The following MORC1 variants were observed in gnomAD, a reference collection of about 807,000 sequenced individuals.
The protein encoded by MORC1 is MORC family CW-type zinc finger protein 1.
MORC1 carries 59 observed loss-of-function variants against 134.9 expected under a neutral mutation model. The ratio of observed to expected loss-of-function variants is 0.44; its 90% CI spans 0.35 to 0.54. The LOEUF is 0.54. Ranked by LOEUF, MORC1 falls within the 20% of genes least tolerant of loss-of-function variation. MORC1 has a pLI of 0.00. For missense variants in MORC1, 947 were observed against 1,134.5 expected, an observed-to-expected ratio of 0.83 and a Z score of 2.37; for synonymous variants, 395 against 391.7, an observed-to-expected ratio of 1.01 and a Z score of -0.10.
intron 8 of MORC1, among the ~76,000 whole-genome samples, chr3:109,084,594 C>T (rs781706100): frequency 6.6e-6 from 1 of 152,022 alleles, no homozygotes; most frequent in Non-Finnish European, 1.5e-5. Flanking sequence ...GCAATTTACA[C>T]ATTCAATAGA....
chr3:109,111,115 T>C (rs557471181), intron 2 of MORC1, among the ~76,000 whole-genome samples: 2 of 150,074 alleles, frequency 1.3e-5, no homozygotes, highest in Admixed American at 6.6e-5. Flanking sequence ...GGAATGTTTT[T>C]CATATTTTAG....
chr3:109,058,073 TA>T (rs1472804083), intron 12 of MORC1, among the ~76,000 whole-genome samples: 3 of 152,162 alleles, frequency 2.0e-5, no homozygotes, highest in Admixed American at 2.0e-4. Flanking sequence ...ATTAAAAGTG[TA>T]AAATAGAAAT....
At chr3:109,084,595 A>AC (rs1950583200) in intron 8 of MORC1, among the ~76,000 whole-genome samples, 1 of 152,194 alleles carries the variant, frequency 6.6e-6, no homozygotes, top group Non-Finnish European at 1.5e-5. Flanking sequence ...CAATTTACAC[A>AC]TTCAATAGAA....
intron 9 of MORC1, among the ~76,000 whole-genome samples, chr3:109,064,780 G>C (rs907246053): frequency 2.0e-5 from 3 of 152,080 alleles, no homozygotes; most frequent in African/African-American, 7.2e-5. Context: ...TAATTAGGCA[G>C]GATCAATAAT....
At chr3:108,983,259 A>G (rs1053642407) in intron 23 of MORC1, among the ~76,000 whole-genome samples, 1 of 152,212 alleles carries the variant, frequency 6.6e-6, no homozygotes, top group Non-Finnish European at 1.5e-5. Context: ...ACTGAGTGCC[A>G]AGTATGAGTC....
Position 108,965,527 on chromosome 3 carries a change from A to C in MORC1, c.2605-1919T>G, listed in dbSNP as rs182644650. On this transcript the variant is annotated intron_variant, in intron 26 of 27. Transcript: ENST00000232603. ...AAGGCCTGAGTGGATATGACTATAA[A>C]AAGGTAGCATAAGGGAGATAATTAT... Among the ~76,000 whole-genome samples, 526 of 152,320 alleles carry C rather than the reference A, an allele frequency of 3.5e-3. 3 individuals carry two copies. Among genetic ancestry groups the C allele is most frequent in the Admixed American group, 5.0e-3 (76 of 15,298 alleles).
At chr3:109,117,959 G>A (rs1271735578) in intron 1 of MORC1, 36 bp downstream of exon 1, 1 of 1,527,520 alleles carries the variant, frequency 6.5e-7, no homozygotes, top group Non-Finnish European at 8.9e-7. Context: ...CGGGCGCAGA[G>A]ACCCTCCCCG....
intron 8 of MORC1, among the ~76,000 whole-genome samples, chr3:109,086,660 T>C (rs1342240198): frequency 6.6e-6 from 1 of 152,064 alleles, no homozygotes; most frequent in Non-Finnish European, 1.5e-5. Flanking sequence ...GTATAAAGAC[T>C]GACATTGTTC....
chr3:109,039,259 C>T (rs1324358993), intron 14 of MORC1, among the ~76,000 whole-genome samples: 1 of 152,116 alleles, frequency 6.6e-6, no homozygotes. Context: ...TTTACTATAT[C>T]AAAGCAGAGG....
chr3:109,117,924 G>C (rs1951305853), intron 1 of MORC1, 71 bp downstream of exon 1: 12 of 1,273,760 alleles, frequency 9.4e-6, no homozygotes, highest in Non-Finnish European at 1.3e-5. Context: ...ATTCCTCAGG[G>C]GACGGGCAAA....
chr3:109,023,762 C>A (rs768986960), intron 17 of MORC1, among the ~76,000 whole-genome samples: 1 of 152,068 alleles, frequency 6.6e-6, no homozygotes, highest in Non-Finnish European at 1.5e-5. Context: ...TAAATTATTG[C>A]CTAGGTTTAC....
Position 108,979,514 on chromosome 3 carries a change from C to T in MORC1, c.2477+1G>A, listed in dbSNP as rs1947652617. 6.2e-7 allele frequency: 1 copy of T among 1,613,568 alleles called. No individual in the cohort carries two copies. Among genetic ancestry groups the T allele is most frequent in the African/African-American group, 1.3e-5 (1 of 74,890 alleles). ...GGAAATATGTGAGTAAATATCTTTACCTTAACTTAGACTTCAGTTTTCTCA... is the reference window on the plus strand; with the variant it reads ...GGAAATATGTGAGTAAATATCTTTATCTTAACTTAGACTTCAGTTTTCTCA... On this transcript the variant is annotated splice_donor_variant, in intron 24 of 27. Coordinates refer to ENST00000232603, the MANE Select transcript of MORC1 (RefSeq NM_014429.4). LOFTEE classifies it high-confidence loss of function.
At chr3:109,071,440 T>C (rs1442712815) in intron 8 of MORC1, among the ~76,000 whole-genome samples, 1 of 152,128 alleles carries the variant, frequency 6.6e-6, no homozygotes, top group African/African-American at 2.4e-5. Context: ...ATAGCATGCA[T>C]GTTGGGGATC....
chr3:108,981,235 T>C (rs1947708858), intron 23 of MORC1, among the ~76,000 whole-genome samples: 1 of 152,154 alleles, frequency 6.6e-6, no homozygotes, highest in Non-Finnish European at 1.5e-5. Flanking sequence ...CATGCTGATG[T>C]CCATAAATTA....
intron 14 of MORC1, among the ~76,000 whole-genome samples, chr3:109,041,550 A>C (rs976214673): frequency 3.9e-5 from 6 of 152,088 alleles, no homozygotes; most frequent in African/African-American, 1.4e-4. Flanking sequence ...ATCTCTACTA[A>C]AAATGCAAAA....
At chr3:109,035,586 T>G in intron 14 of MORC1, 118 bp from the exon 15 acceptor site, 1 of 560,888 alleles carries the variant, frequency 1.8e-6, no homozygotes, top group Non-Finnish European at 2.9e-6. Context: ...TTAATACATA[T>G]ACAGAAATAA....
chr3:109,117,898 A>G, intron 1 of MORC1, 97 bp downstream of exon 1: 1 of 952,110 alleles, frequency 1.1e-6, no homozygotes, highest in Non-Finnish European at 1.7e-6. Context: ...CCATAAATCA[A>G]GTTCACTTGC....
intron 11 of MORC1, among the ~76,000 whole-genome samples, chr3:109,060,339 C>T (rs956328281): frequency 2.6e-5 from 4 of 151,370 alleles, no homozygotes; most frequent in South Asian, 4.2e-4. Context: ...TTCTGGATAC[C>T]TCTAATATTT....
At chr3:109,103,820 C>A (rs751668440) in intron 4 of MORC1, 29 bp downstream of exon 4, 2 of 1,566,196 alleles carry the variant, frequency 1.3e-6, no homozygotes, top group Non-Finnish European at 1.8e-6. Context: ...CCTTTAACAG[C>A]CAGTTAGGTA....
Sources: gnomAD v4.1 joint callset for allele counts (sites outside exome capture counted in the v4.1 genomes callset) on GRCh38, gnomAD v4.1.1 for gene constraint, MANE v1.5 for transcripts, NCBI Gene and HGNC (gene_info 2026-07-23, HGNC 2026-07-21) for gene names.